GRIP2: variants seen among roughly 807,000 people sequenced by gnomAD.
GRIP2 encodes glutamate receptor interacting protein 2.
Under a neutral mutation model 108.3 loss-of-function variants are expected in GRIP2, and 58 were observed. The observed-to-expected ratio is 0.54, with a 90% CI of 0.43 to 0.67. The LOEUF is 0.67. Among genes scored for constraint, GRIP2 ranks in the 30% least tolerant of loss-of-function variants. The pLI, the probability that GRIP2 is intolerant of heterozygous loss-of-function variation, is 0.00. For synonymous variants in GRIP2, 586 were observed against 598.2 expected (o/e 0.98, Z 0.30); for missense variants, 1,278 against 1,430.6 (o/e 0.89, Z 1.72).
At chr3:14,599,683 C>CTGTGTGTG in the GRIP2 span, among the ~76,000 whole-genome samples, 120 of 105,124 alleles carry the variant, frequency 1.1e-3, 1 homozygote, top group African/African-American at 2.9e-3. Context: ...CTCTCTCTCT[C>CTGTGTGTG]TCTGTGTGTG....
the GRIP2 span, among the ~76,000 whole-genome samples, chr3:14,597,557 G>A: frequency 6.6e-6 from 1 of 151,938 alleles, no homozygotes; most frequent in African/African-American, 2.4e-5. Context: ...TATGTGTTTT[G>A]GTTTTTTTAA....
At chr3:14,497,558 C>T (rs1394126979) in intron 21 of GRIP2, among the ~76,000 whole-genome samples, 1 of 152,196 alleles carries the variant, frequency 6.6e-6, no homozygotes, top group East Asian at 1.9e-4. Context: ...GGGGCCAGTC[C>T]TGCGGCGCCC....
chr3:14,556,710 T>C (rs1695241961), upstream of GRIP2, among the ~76,000 whole-genome samples: 1 of 152,186 alleles, frequency 6.6e-6, no homozygotes, highest in Admixed American at 6.5e-5. Flanking sequence ...TTTTGGGGAC[T>C]ATGTGTGAGT....
intron 20 of GRIP2, 122 bp from the exon 21 acceptor site, chr3:14,503,793 GGGCA>G (rs1450430318): frequency 6.2e-6 from 1 of 161,064 alleles, no homozygotes; most frequent in Non-Finnish European, 1.2e-5. Context: ...GTGGGTGGGC[GGGCA>G]GGCAGGCGGG....
chr3:14,542,065 A>T (rs988352922), upstream of GRIP2: 1 of 1,349,570 alleles, frequency 7.4e-7, no homozygotes, highest in Admixed American at 2.0e-5. Context: ...CTCTTCAGTC[A>T]GGGAGGACAG....
At position 14,520,577 on chromosome 3, in the gene GRIP2, G is replaced by A. The variant is rs372745849; in HGVS notation, c.713-40C>T. The A allele has an allele frequency of 6.6e-5, 106 of 1,609,576 alleles. No homozygotes were observed. In the South Asian group the frequency reaches 1.0e-3, roughly 15 times the overall value. ...AAAAAAAGTTTGAAATGCAAATACC[G>A]AGCACTTTCCTCCCCAGCCTCACCC... On this transcript the variant is annotated intron_variant, in intron 7 of 23. Transcript: ENST00000621039.
At position 14,491,829 on chromosome 3, in the gene GRIP2, C is replaced by G. The variant is rs574017987; in HGVS notation, c.*1836G>C. 6.6e-6 allele frequency: 1 copy of G among 152,428 alleles called. No individual in the cohort carries two copies. Among genetic ancestry groups the G allele is most frequent in the African/African-American group, 2.4e-5 (1 of 41,570 alleles). The allele number at this position is 152,428 out of a possible 1,614,324, so 9.4% of individuals were successfully genotyped here. A position where few individuals can be genotyped will look rare whatever the true frequency, so the allele number is the denominator to read the frequency against. On this transcript the variant is annotated 3_prime_UTR_variant, in exon 24 of 24. Coordinates refer to ENST00000621039, the MANE Select transcript of GRIP2 (RefSeq NM_001080423.4). ...GAAGCCACACCTCTGCTGTGCTGTC[C>G]CTCACCCTCAAAAGTGAGGGCTCTT... is the stretch of plus-strand genomic sequence containing the variant.
the GRIP2 span, among the ~76,000 whole-genome samples, chr3:14,582,158 T>G: frequency 2.0e-5 from 3 of 152,348 alleles, 1 homozygote; most frequent in Non-Finnish European, 4.4e-5. Context: ...TCCACTGCCA[T>G]GCAAATGTGC....
Position 14,522,066 on chromosome 3 carries a change from C to A in GRIP2, c.567-279G>T, listed in dbSNP as rs1022261325. The A allele has an allele frequency of 2.2e-6, 1 of 455,196 alleles. No homozygotes were observed. The highest frequency in any genetic ancestry group is 4.1e-5 in the Admixed American group (1 of 24,192). 28.2% of individuals were successfully genotyped at this position (455,196 alleles called of 1,614,324 possible). On this transcript the variant is annotated intron_variant, in intron 6 of 23. Coordinates refer to ENST00000621039, the MANE Select transcript of GRIP2 (RefSeq NM_001080423.4). The surrounding 1 kb of genome is among the most constrained non-coding windows in gnomAD (Gnocchi z 4.3). ...TGTGCAGTAATTCACAGACTCAGTG[C>A]AGAACCCTGAAATGTCTGAGCTGGG...
At chr3:14,535,198 G>A (rs776094844) in intron 1 of GRIP2, among the ~76,000 whole-genome samples, 8 of 152,162 alleles carry the variant, frequency 5.3e-5, no homozygotes, top group East Asian at 1.9e-4. Context: ...AGCCAGCTTC[G>A]CCCCACCATG....
the GRIP2 span, among the ~76,000 whole-genome samples, chr3:14,599,027 T>C: frequency 6.6e-6 from 1 of 152,184 alleles, no homozygotes; most frequent in Non-Finnish European, 1.5e-5. Context: ...ATTCCTGTGT[T>C]GTCTTCATAT....
the GRIP2 span, among the ~76,000 whole-genome samples, chr3:14,585,569 T>A: frequency 6.6e-6 from 1 of 152,026 alleles, no homozygotes; most frequent in African/African-American, 2.4e-5. Context: ...TGTCCTAGGG[T>A]GACTGTCAGA....
Position 14,525,424 on chromosome 3 carries a change from G to C in GRIP2, c.257+13C>G. On this transcript the variant is annotated intron_variant, in intron 3 of 23. Transcript: ENST00000621039. ...CACCCCCCTCCTGCGGCCGTGCCAA[G>C]CCCACTTCTCACCTGGCTGCAAGTC... 1 of 1,607,216 alleles carries C rather than the reference G, an allele frequency of 6.2e-7. No individual in the cohort carries two copies. Among genetic ancestry groups the C allele is most frequent in the Non-Finnish European group, 8.5e-7 (1 of 1,178,068 alleles).
chr3:14,547,453 G>A (rs1419004311), intron 1 of GRIP2, among the ~76,000 whole-genome samples: 1 of 152,224 alleles, frequency 6.6e-6, no homozygotes, highest in African/African-American at 2.4e-5. Flanking sequence ...AGAACCATGT[G>A]TGCTTTGAAC....
At chr3:14,598,372 A>G in the GRIP2 span, among the ~76,000 whole-genome samples, 5 of 151,910 alleles carry the variant, frequency 3.3e-5, no homozygotes, top group South Asian at 8.3e-4. Context: ...ACACACGCAC[A>G]CACACAACCA....
the GRIP2 span, among the ~76,000 whole-genome samples, chr3:14,567,296 T>A: frequency 2.6e-5 from 4 of 152,138 alleles, no homozygotes; most frequent in Non-Finnish European, 5.9e-5. Flanking sequence ...AGCAGGCCCC[T>A]AAGACGAATC....
intron 23 of GRIP2, among the ~76,000 whole-genome samples, chr3:14,494,335 T>C (rs1693513243): frequency 6.6e-6 from 1 of 152,142 alleles, no homozygotes; most frequent in Non-Finnish European, 1.5e-5. Context: ...AAAAACACAC[T>C]GAGGGAGCAA....
chr3:14,565,925 G>T, the GRIP2 span, among the ~76,000 whole-genome samples: 2 of 152,210 alleles, frequency 1.3e-5, no homozygotes, highest in Non-Finnish European at 2.9e-5. Flanking sequence ...AAAGGAGCGT[G>T]CCCTAGGTGA....
Position 14,506,994 on chromosome 3 carries a change from G to C in GRIP2, c.2219-14C>G, listed in dbSNP as rs775632176. 3.2e-5 allele frequency: 51 copies of C among 1,581,656 alleles called. No individual in the cohort carries two copies. Among genetic ancestry groups the C allele is most frequent in the African/African-American group, 2.7e-5 (2 of 74,416 alleles). On this transcript the variant is annotated splice_polypyrimidine_tract_variant and intron_variant, in intron 18 of 23. Coordinates refer to ENST00000621039, the MANE Select transcript of GRIP2 (RefSeq NM_001080423.4). ...GTAGGAGGGGACCTGGGAGGAGAGAGGGGTGTCAATTCTGACTTCAGAGAC... is the reference window on the plus strand; with the variant it reads ...GTAGGAGGGGACCTGGGAGGAGAGACGGGTGTCAATTCTGACTTCAGAGAC...
Sources: allele counts gnomAD v4.1 joint callset (sites outside exome capture counted in the v4.1 genomes callset), GRCh38; gene constraint gnomAD v4.1.1; non-coding constraint Gnocchi (gnomAD v3.1); transcripts MANE v1.5; gene names NCBI Gene and HGNC (gene_info 2026-07-23, HGNC 2026-07-21).